Variants in CNNM2 observed in about 807,000 individuals in gnomAD.
The protein encoded by CNNM2 is metal transporter CNNM2.
Under a neutral mutation model 66.9 loss-of-function variants are expected in CNNM2, and 12 were observed. The ratio of observed to expected loss-of-function variants is 0.18; its 90% CI spans 0.11 to 0.29. The LOEUF (loss-of-function observed/expected upper bound fraction) is 0.29, where lower values mean the gene tolerates loss of function less well. CNNM2 is among the 10% of genes least tolerant of loss of function. The pLI, the probability that CNNM2 is intolerant of heterozygous loss-of-function variation, is 1.00. For synonymous variants in CNNM2, 557 were observed against 501.8 expected (o/e 1.11, Z -1.47); for missense variants, 705 against 1,167.7 (o/e 0.60, Z 5.77).
intron 1 of CNNM2, among the ~76,000 whole-genome samples, chr10:102,979,256 C>A (rs1178645149): frequency 6.6e-6 from 1 of 152,112 alleles, no homozygotes; most frequent in Non-Finnish European, 1.5e-5. Context: ...TTTGTTAAAT[C>A]CTATTATTTG....
At position 103,076,103 on chromosome 10, in the gene CNNM2, C is replaced by G; in HGVS notation, c.2251C>G (p.Pro751Ala). The change falls in exon 7 of 8, where the codon CCT (proline) becomes GCT (alanine). Residue 751 changes from proline (P) to alanine (A), a missense_variant. This residue lies in a region of CNNM2 where 194 missense variants were observed against 227.6 expected (regional missense o/e 0.85). Coordinates refer to ENST00000369878, the MANE Select transcript of CNNM2 (RefSeq NM_017649.5). ...AGSPGENKSPPRPCGLNHSDS... is the reference protein window; with the variant it reads ...AGSPGENKSPARPCGLNHSDS... ...TTTTCCAGGTGAAAATAAGTCCCCT[C>G]CTCGCCCATGTGGCTTGAATCACTC... 6.2e-7 allele frequency: 1 copy of G among 1,611,870 alleles called. No homozygotes were observed. The highest frequency in any genetic ancestry group is 1.1e-5 in the South Asian group (1 of 90,508).
intron 1 of CNNM2, among the ~76,000 whole-genome samples, chr10:102,976,980 A>G (rs944254588): frequency 2.6e-5 from 4 of 152,156 alleles, no homozygotes; most frequent in African/African-American, 9.7e-5. Context: ...CAGCTTGACT[A>G]TTAACACTTT....
intron 1 of CNNM2, among the ~76,000 whole-genome samples, chr10:102,941,865 C>T (rs752491729): frequency 2.6e-4 from 40 of 152,210 alleles, no homozygotes; most frequent in Non-Finnish European, 5.1e-4. Context: ...TTCACTGCTG[C>T]GTTGCCAGGG....
intron 1 of CNNM2, among the ~76,000 whole-genome samples, chr10:102,976,606 A>G (rs1413832975): frequency 2.0e-5 from 2 of 98,606 alleles, no homozygotes; most frequent in Non-Finnish European, 4.2e-5. Flanking sequence ...CCACACGCCC[A>G]GGTAATTTTT....
At chr10:102,938,234 G>A (rs1389389067) in intron 1 of CNNM2, among the ~76,000 whole-genome samples, 2 of 151,104 alleles carry the variant, frequency 1.3e-5, no homozygotes, top group South Asian at 4.2e-4. Flanking sequence ...TCAGGAGTTC[G>A]AGACCAGCCT....
Position 102,992,273 on chromosome 10 carries a change from C to CTT in CNNM2, c.1622-57417_1622-57416dup, listed in dbSNP as rs35281835. ...TTTACTGGGAGCAAGCTCCAAGTTC[C>CTT]TTTTTTTTTTTTTTTTTTGAGATGC... On this transcript the variant is annotated intron_variant, in intron 1 of 7. Transcript: ENST00000369878. Among the ~76,000 whole-genome samples, 89 of 108,488 alleles carry CTT rather than the reference C, an allele frequency of 8.2e-4. 1 individual carries two copies. Among genetic ancestry groups the CTT allele is most frequent in the African/African-American group, 2.2e-3 (65 of 29,136 alleles). The allele number at this position is 108,488 out of a possible 152,430, so 71.2% of individuals were successfully genotyped here. A position where few individuals can be genotyped will look rare whatever the true frequency, so the allele number is the denominator to read the frequency against.
At chr10:103,068,453 A>G in intron 4 of CNNM2, 176 bp from the exon 5 acceptor site, 2 of 615,214 alleles carry the variant, frequency 3.3e-6, no homozygotes, top group Non-Finnish European at 5.9e-6. Context: ...CAGTTTTCAT[A>G]TTTAAAGCGA....
Position 103,054,539 on chromosome 10 carries a change from G to T in CNNM2, c.1903+73G>T. The T allele has an allele frequency of 1.3e-6, 2 of 1,543,530 alleles. No homozygotes were observed. Among genetic ancestry groups the T allele is most frequent in the Non-Finnish European group, 1.8e-6 (2 of 1,132,080 alleles). ...TGTTTCTCACCCACCACTGACTGGG[G>T]TGGGTTGGGGGTGGACACTGGGAAA... On this transcript the variant is annotated intron_variant, in intron 3 of 7. Transcript: ENST00000369878. The surrounding 1 kb of genome is among the most constrained non-coding windows in gnomAD (Gnocchi z 5.2).
At position 103,081,473 on chromosome 10, in the gene CNNM2, TTC is replaced by T. The variant is rs2134377982; in HGVS notation, c.*4295_*4296del. 6.6e-6 allele frequency: 1 copy of T among 152,344 alleles called. No homozygotes were observed. Among genetic ancestry groups the T allele is most frequent in the African/African-American group, 2.4e-5 (1 of 41,570 alleles). 9.4% of individuals were successfully genotyped at this position (152,344 alleles called of 1,614,324 possible). A position where few individuals can be genotyped will look rare whatever the true frequency, so the allele number is the denominator to read the frequency against. On this transcript the variant is annotated 3_prime_UTR_variant, in exon 8 of 8. Transcript: ENST00000369878. ...AAGTGATCTGGGGATTCAGAAATTT[TTC>T]TGATGTATCAATGAGCAACTTCTCA...
chr10:103,072,858 G>T (rs1236392994), intron 6 of CNNM2, among the ~76,000 whole-genome samples: 1 of 152,210 alleles, frequency 6.6e-6, no homozygotes, highest in Non-Finnish European at 1.5e-5. Context: ...ATCCTTGTCC[G>T]TCTCACCAAA....
intron 4 of CNNM2, chr10:103,068,408 A>G: frequency 1.9e-6 from 1 of 522,232 alleles, no homozygotes; most frequent in Non-Finnish European, 3.4e-6. Context: ...TAAACATCAC[A>G]TTTACACTGT....
chr10:102,955,949 C>T (rs974151500), intron 1 of CNNM2, among the ~76,000 whole-genome samples: 7 of 151,506 alleles, frequency 4.6e-5, no homozygotes, highest in Non-Finnish European at 1.0e-4. Flanking sequence ...GAGGTCAGTT[C>T]AAGACCAGCC....
At chr10:102,920,544 C>T (rs1943227505) in intron 1 of CNNM2, among the ~76,000 whole-genome samples, 1 of 152,046 alleles carries the variant, frequency 6.6e-6, no homozygotes, top group South Asian at 2.1e-4. Context: ...TTTTGTAAAC[C>T]CAGTGCAGTC....
At chr10:103,008,443 T>C (rs2064269751) in intron 1 of CNNM2, among the ~76,000 whole-genome samples, 1 of 152,212 alleles carries the variant, frequency 6.6e-6, no homozygotes, top group African/African-American at 2.4e-5. Context: ...ATAGACTAGC[T>C]TTGGATTAGA....
intron 1 of CNNM2, among the ~76,000 whole-genome samples, chr10:103,009,472 G>A (rs902461629): frequency 3.9e-5 from 6 of 151,910 alleles, no homozygotes; most frequent in Admixed American, 2.6e-4. Context: ...TGGGAATATC[G>A]CTTGAGCCTG....
chr10:103,065,176 A>AG (rs1246691772), intron 4 of CNNM2, among the ~76,000 whole-genome samples: 1 of 152,180 alleles, frequency 6.6e-6, no homozygotes, highest in Non-Finnish European at 1.5e-5. Flanking sequence ...ACTGCCTTTG[A>AG]GGGAGTCCCT....
intron 1 of CNNM2, among the ~76,000 whole-genome samples, chr10:102,999,466 A>G (rs558750439): frequency 6.6e-5 from 10 of 152,136 alleles, no homozygotes; most frequent in African/African-American, 2.4e-4. Context: ...CTTAGGAATA[A>G]TTTAATTAAA....
rs764270473 is a variant in CNNM2 at position 102,919,699 on chromosome 10, A to G, written c.1219A>G (p.Thr407Ala). The G allele has an allele frequency of 6.2e-7, 1 of 1,614,050 alleles. No individual in the cohort carries two copies. The highest frequency in any genetic ancestry group is 1.3e-5 in the African/African-American group (1 of 74,922). Residue 407 changes from threonine (T) to alanine (A), a missense_variant, in exon 1 of 8, where the codon ACC becomes GCC. Thr to Ala is a moderately conservative substitution (Grantham distance 58). Around this residue, in one of 9 missense-constraint regions of CNNM2, gnomAD observed 14 missense variants for 68.6 expected, o/e 0.20. Transcript: ENST00000369878. ...CTGCGTCCTGGGCCAGGAGATAGGCACCGTCTATAACCGGGAAAAACTGCT... is the reference window on the plus strand; with the variant it reads ...CTGCGTCCTGGGCCAGGAGATAGGCGCCGTCTATAACCGGGAAAAACTGCT... ...LDCVLGQEIG[T>A]VYNREKLLEM... is the part of the protein sequence containing the mutation.
chr10:103,054,206 G>A lies in CNNM2; in HGVS notation c.1766-123G>A. ...TCCTTCCCCGTGGCATCTGTGCATA[G>A]AGCGCCTGCATCTGGAAATACAGTC... On this transcript the variant is annotated intron_variant, in intron 2 of 7. Coordinates refer to ENST00000369878, the MANE Select transcript of CNNM2 (RefSeq NM_017649.5). This position sits in a 1 kb window ranked among gnomAD's most constrained non-coding sequence, Gnocchi z 5.2. 1 of 1,104,076 alleles carries A rather than the reference G, an allele frequency of 9.1e-7. No homozygotes were observed. The highest frequency in any genetic ancestry group is 2.5e-5 in the Admixed American group (1 of 40,790). The allele number at this position is 1,104,076 out of a possible 1,614,324, so 68.4% of individuals were successfully genotyped here.
Sources: gnomAD v4.1 joint callset for allele counts (sites outside exome capture counted in the v4.1 genomes callset) on GRCh38, gnomAD v4.1.1 for gene constraint, gnomAD v4.1.1 regional missense constraint, Gnocchi (gnomAD v3.1) non-coding constraint, MANE v1.5 for transcripts, NCBI Gene and HGNC (gene_info 2026-07-23, HGNC 2026-07-21) for gene names.